KCNT2: variants seen among roughly 807,000 people sequenced by gnomAD.
The protein encoded by KCNT2 is potassium channel subfamily T member 2.
In KCNT2, 67 loss-of-function variants were observed where a neutral mutation model predicts 153.8. The ratio of observed to expected loss-of-function variants is 0.44; its 90% confidence interval spans 0.36 to 0.53. The LOEUF is 0.53. Ranked by LOEUF, KCNT2 falls within the 20% of genes least tolerant of loss-of-function variation. The pLI is 0.00. For missense variants in KCNT2, 975 were observed against 1,354.8 expected, an observed-to-expected ratio of 0.72 and a Z score of 4.40; for synonymous variants, 500 against 458.8, an observed-to-expected ratio of 1.09 and a Z score of -1.15.
At chr1:196,508,963 A>C (rs1290390863) in intron 1 of KCNT2, among the ~76,000 whole-genome samples, 1 of 152,148 alleles carries the variant, frequency 6.6e-6, no homozygotes, top group Non-Finnish European at 1.5e-5. Context: ...TTGCACTGGG[A>C]TGCATGTACA....
In KCNT2 at chr1:196,258,323, G is replaced by A; in HGVS notation, c.3082C>T (p.His1028Tyr). 1 of 1,614,008 alleles carries A rather than the reference G, an allele frequency of 6.2e-7. No homozygotes were observed. Among genetic ancestry groups the A allele is most frequent in the Non-Finnish European group, 8.5e-7 (1 of 1,179,974 alleles). The change falls in exon 26 of 28, where the codon CAC (histidine) becomes TAC (tyrosine). Residue 1028 changes from histidine to tyrosine, a missense_variant. By Grantham distance (83) the His-to-Tyr change is moderately conservative. Coordinates refer to ENST00000294725, the MANE Select transcript of KCNT2 (RefSeq NM_198503.5). ...ATTTTTTCAGCTGTTTTACCAGAGT[G>A]TTTTGGGCCTTTTCTGCTCAGTCTT... ...ARRLSRKGPK[H>Y]SGKTAEKITQ...
intron 23 of KCNT2, among the ~76,000 whole-genome samples, chr1:196,284,358 G>T (rs1222818802): frequency 7.3e-6 from 1 of 137,290 alleles, no homozygotes; most frequent in African/African-American, 2.7e-5. Context: ...TAAACGTGAG[G>T]CAAAAACAAA....
chr1:196,574,828 GGT>G (rs1661168427), intron 1 of KCNT2, among the ~76,000 whole-genome samples: 1 of 151,586 alleles, frequency 6.6e-6, no homozygotes, highest in Non-Finnish European at 1.5e-5. Context: ...ACATAAGAAG[GGT>G]TTTTTCTTTT....
chr1:196,593,989 CACACACACACAT>C (rs1008664117), intron 1 of KCNT2, among the ~76,000 whole-genome samples: 8 of 152,042 alleles, frequency 5.3e-5, no homozygotes, highest in Admixed American at 1.3e-4. Flanking sequence ...AAGACCAACA[CACACACACACAT>C]ACACACACAC....
chr1:196,523,098 C>G (rs770016562), intron 1 of KCNT2, among the ~76,000 whole-genome samples: 1 of 152,202 alleles, frequency 6.6e-6, no homozygotes, highest in Non-Finnish European at 1.5e-5. Context: ...AGGCCTGCAG[C>G]TTCACTCCTG....
chr1:196,262,100 A>G (rs1214971890), intron 25 of KCNT2, among the ~76,000 whole-genome samples: 2 of 151,944 alleles, frequency 1.3e-5, no homozygotes, highest in Admixed American at 6.6e-5. Flanking sequence ...AAAATAAGAA[A>G]ATATTTCTTA....
chr1:196,522,211 A>T (rs950452777), intron 1 of KCNT2, among the ~76,000 whole-genome samples: 11 of 152,148 alleles, frequency 7.2e-5, no homozygotes, highest in African/African-American at 2.7e-4. Flanking sequence ...TGTATCCTAG[A>T]TTGCTTGTAA....
intron 8 of KCNT2, among the ~76,000 whole-genome samples, chr1:196,431,379 T>A (rs1674134316): frequency 6.6e-6 from 1 of 152,046 alleles, no homozygotes; most frequent in Admixed American, 6.6e-5. Context: ...GCCTAGATTT[T>A]CAGTGTTTAA....
At chr1:196,526,790 C>T (rs955720714) in intron 1 of KCNT2, among the ~76,000 whole-genome samples, 1 of 152,078 alleles carries the variant, frequency 6.6e-6, no homozygotes, top group African/African-American at 2.4e-5. Flanking sequence ...GTGTTCTTGT[C>T]TGTTCCTTAA....
At chr1:196,368,028 C>T (rs1668187746) in intron 14 of KCNT2, among the ~76,000 whole-genome samples, 1 of 152,096 alleles carries the variant, frequency 6.6e-6, no homozygotes, top group South Asian at 2.1e-4. Flanking sequence ...AACAGAACAA[C>T]GTGCTCTGAT....
chr1:196,333,909 A>C lies in KCNT2; in HGVS notation c.1935T>G (p.Asp645Glu), dbSNP rs771768108. 2 of 1,612,972 alleles carry C rather than the reference A, an allele frequency of 1.2e-6. No homozygotes were observed. The highest frequency in any genetic ancestry group is 2.7e-5 in the African/African-American group (2 of 74,880). The change falls in exon 17 of 28, where the codon GAT becomes GAG. Residue 645 changes from aspartate to glutamate, a missense_variant. Physicochemically the swap from Asp to Glu is conservative, Grantham distance 45. Around this residue, in one of 6 missense-constraint regions of KCNT2, gnomAD observed 325 missense variants for 388.1 expected, o/e 0.84. Transcript: ENST00000294725. ...VADTSSIQTC[D>E]LLSDQSEDET... ...CATCTTCTGATTGGTCACTTAGAAG[A>C]TCACATGTTTGAATCGATGATGTAT...
chr1:196,546,921 A>G (rs1463100185), intron 1 of KCNT2, among the ~76,000 whole-genome samples: 1 of 152,046 alleles, frequency 6.6e-6, no homozygotes, highest in Admixed American at 6.6e-5. Flanking sequence ...AAAGAATGTA[A>G]TAAATATTTG....
intron 25 of KCNT2, among the ~76,000 whole-genome samples, chr1:196,264,682 G>C (rs553950315): frequency 8.0e-4 from 121 of 151,858 alleles, no homozygotes; most frequent in Admixed American, 2.6e-3. Context: ...GCCTAGGCTG[G>C]AGGGCAGTGG....
At chr1:196,542,480 T>C (rs940309422) in intron 1 of KCNT2, among the ~76,000 whole-genome samples, 47 of 152,136 alleles carry the variant, frequency 3.1e-4, no homozygotes, top group African/African-American at 1.1e-3. Context: ...AAGTCTAGTA[T>C]GTCTGAAAGT....
chr1:196,337,971 G>A (rs748967777), intron 16 of KCNT2, among the ~76,000 whole-genome samples: 5 of 151,972 alleles, frequency 3.3e-5, no homozygotes, highest in African/African-American at 7.2e-5. Flanking sequence ...ACACTTACAC[G>A]AGAGTTCTTG....
At chr1:196,390,887 ATTCT>A (rs1670422453) in intron 13 of KCNT2, among the ~76,000 whole-genome samples, 1 of 111,748 alleles carries the variant, frequency 8.9e-6, no homozygotes, top group Non-Finnish European at 1.8e-5. Context: ...GATCTCATTC[ATTCT>A]TTTTTTTTTT....
rs567740473 is a variant in KCNT2 at position 196,227,896 on chromosome 1, T to G, written c.*328A>C. 5.1e-4 allele frequency: 93 copies of G among 184,106 alleles called. 1 individual carries two copies. The highest frequency in any genetic ancestry group is 2.5e-3 in the Admixed American group (41 of 16,550). 11.4% of individuals were successfully genotyped at this position (184,106 alleles called of 1,614,324 possible). A position where few individuals can be genotyped will look rare whatever the true frequency, so the allele number is the denominator to read the frequency against. Reference sequence around the variant, plus strand: ...GTGATGCACCAAATATAGTTAGATTTTGTCAACTTCATAAAACCTTAATAA... The same window carrying G: ...GTGATGCACCAAATATAGTTAGATTGTGTCAACTTCATAAAACCTTAATAA... On this transcript the variant is annotated 3_prime_UTR_variant, in exon 28 of 28. Transcript: ENST00000294725.
chr1:196,339,688 A>G (rs773482005), intron 16 of KCNT2, among the ~76,000 whole-genome samples: 7 of 152,082 alleles, frequency 4.6e-5, no homozygotes, highest in Non-Finnish European at 8.8e-5. Flanking sequence ...ATGTATCAGT[A>G]TTAGTTAAAA....
intron 25 of KCNT2, among the ~76,000 whole-genome samples, chr1:196,267,752 G>T (rs1009834107): frequency 1.3e-5 from 2 of 152,090 alleles, no homozygotes; most frequent in Non-Finnish European, 2.9e-5. Context: ...GCACTCAGTG[G>T]TCCACTGTGC....
Sources: gnomAD v4.1 joint callset for allele counts (sites outside exome capture counted in the v4.1 genomes callset) on GRCh38, gnomAD v4.1.1 for gene constraint, gnomAD v4.1.1 regional missense constraint, MANE v1.5 for transcripts, NCBI Gene and HGNC (gene_info 2026-07-23, HGNC 2026-07-21) for gene names.